LRRC4C: variants seen among roughly 807,000 people sequenced by gnomAD.
LRRC4C encodes leucine rich repeat containing 4C.
Under a neutral mutation model 33.6 loss-of-function variants are expected in LRRC4C, and 5 were observed. That is an observed-to-expected ratio of 0.15 (90% CI 0.08 to 0.31). The LOEUF is 0.31. LRRC4C is among the 10% of genes least tolerant of loss of function. The pLI, the probability that LRRC4C is intolerant of heterozygous loss-of-function variation, is 1.00. For missense variants in LRRC4C, 560 were observed against 796.7 expected (o/e 0.70, Z 3.58); for synonymous variants, 329 against 302.0 (o/e 1.09, Z -0.93).
intron 3 of LRRC4C, among the ~76,000 whole-genome samples, chr11:40,462,980 C>T (rs898814854): frequency 5.6e-5 from 7 of 124,010 alleles, no homozygotes; most frequent in Admixed American, 2.4e-4. Flanking sequence ...CCAGATCATC[C>T]GTAATATGAA....
At chr11:41,453,660 ATGTGTGTGTG>A (rs372990313) in intron 1 of LRRC4C, among the ~76,000 whole-genome samples, 1 of 150,156 alleles carries the variant, frequency 6.7e-6, no homozygotes, top group African/African-American at 2.4e-5. Context: ...TTTTGTGTGT[ATGTGTGTGTG>A]TGTGTGTATG....
intron 3 of LRRC4C, among the ~76,000 whole-genome samples, chr11:40,329,059 CA>C (rs1946227438): frequency 6.6e-6 from 1 of 152,088 alleles, no homozygotes; most frequent in Non-Finnish European, 1.5e-5. Flanking sequence ...TGTGGTGAGC[CA>C]AAAAGTAGGC....
intron 1 of LRRC4C, among the ~76,000 whole-genome samples, chr11:41,450,905 T>C (rs1955998681): frequency 3.9e-5 from 6 of 152,176 alleles, no homozygotes; most frequent in Admixed American, 3.9e-4. Context: ...TTCCCCTTCC[T>C]TCTTTAATCT....
chr11:41,236,496 G>T (rs1211532321), intron 1 of LRRC4C, among the ~76,000 whole-genome samples: 1 of 151,690 alleles, frequency 6.6e-6, no homozygotes, highest in Non-Finnish European at 1.5e-5. Flanking sequence ...ATTTGTGAAA[G>T]TTTATAATGC....
intron 5 of LRRC4C, among the ~76,000 whole-genome samples, chr11:40,177,191 A>G (rs1860576036): frequency 6.6e-6 from 1 of 151,326 alleles, no homozygotes; most frequent in Non-Finnish European, 1.5e-5. Context: ...CTGACTTCGT[A>G]ATCTGCCCAC....
chr11:40,654,345 C>G (rs1187044651), intron 2 of LRRC4C, among the ~76,000 whole-genome samples: 1 of 152,166 alleles, frequency 6.6e-6, no homozygotes, highest in Non-Finnish European at 1.5e-5. Context: ...GCTGCTATTC[C>G]CTGCAAAGCC....
chr11:41,062,476 C>T (rs572774001), intron 1 of LRRC4C, among the ~76,000 whole-genome samples: 1 of 152,168 alleles, frequency 6.6e-6, no homozygotes, highest in African/African-American at 2.4e-5. Context: ...TGCAGATGCA[C>T]TCTTTCTTTG....
At chr11:41,454,942 G>T (rs1205978954) in intron 1 of LRRC4C, among the ~76,000 whole-genome samples, 6 of 152,044 alleles carry the variant, frequency 3.9e-5, no homozygotes, top group Non-Finnish European at 8.8e-5. Context: ...ATTTTATTAA[G>T]TGCTTTATAT....
At chr11:40,695,421 T>A (rs148926382) in intron 2 of LRRC4C, among the ~76,000 whole-genome samples, 2 of 152,298 alleles carry the variant, frequency 1.3e-5, no homozygotes, top group Admixed American at 1.3e-4. Context: ...TCACTAGCAC[T>A]AGTTTGTGAA....
At chr11:41,029,946 T>C (rs1443024709) in intron 1 of LRRC4C, among the ~76,000 whole-genome samples, 30 of 151,752 alleles carry the variant, frequency 2.0e-4, no homozygotes, top group East Asian at 1.9e-4. Context: ...ATAAGAAAGA[T>C]AACTCTTGGG....
chr11:40,915,704 G>A (rs1410439161), intron 2 of LRRC4C, among the ~76,000 whole-genome samples: 22 of 152,028 alleles, frequency 1.4e-4, no homozygotes, highest in African/African-American at 4.1e-4. Context: ...ATGGGATCTT[G>A]TTAAACTAAA....
chr11:40,480,370 T>A (rs1590869023), intron 3 of LRRC4C, among the ~76,000 whole-genome samples: 1 of 150,718 alleles, frequency 6.6e-6, no homozygotes, highest in Non-Finnish European at 1.5e-5. Flanking sequence ...AAAATAAAAA[T>A]AAATAAATAA....
chr11:40,732,019 C>G (rs1176472996), intron 2 of LRRC4C, among the ~76,000 whole-genome samples: 2 of 151,388 alleles, frequency 1.3e-5, no homozygotes, highest in Non-Finnish European at 2.9e-5. Flanking sequence ...AGGAACACCT[C>G]CTTGCCTGGG....
At chr11:40,838,850 T>C (rs1033826200) in intron 2 of LRRC4C, among the ~76,000 whole-genome samples, 4 of 152,046 alleles carry the variant, frequency 2.6e-5, no homozygotes, top group Non-Finnish European at 4.4e-5. Context: ...CTTATAATTA[T>C]TATAGAAGAA....
intron 3 of LRRC4C, among the ~76,000 whole-genome samples, chr11:40,624,759 GA>G (rs1373278067): frequency 1.3e-5 from 2 of 152,064 alleles, no homozygotes; most frequent in African/African-American, 4.8e-5. Context: ...TAGCATAATA[GA>G]AAAAACACTG....
chr11:41,148,019 AT>A (rs1238261980), intron 1 of LRRC4C, among the ~76,000 whole-genome samples: 2 of 151,580 alleles, frequency 1.3e-5, no homozygotes, highest in Admixed American at 6.6e-5. Flanking sequence ...GCATGAGAAT[AT>A]TTTTTTTCTT....
intron 1 of LRRC4C, among the ~76,000 whole-genome samples, chr11:41,333,974 GT>G (rs1951373673): frequency 6.6e-6 from 1 of 152,070 alleles, no homozygotes; most frequent in Non-Finnish European, 1.5e-5. Context: ...TCAGAGGGTT[GT>G]TTTCTAGAAA....
intron 2 of LRRC4C, among the ~76,000 whole-genome samples, chr11:40,851,775 T>A (rs1045194608): frequency 2.0e-5 from 3 of 151,948 alleles, no homozygotes; most frequent in African/African-American, 7.2e-5. Flanking sequence ...TCTCAAAAAA[T>A]AAATAAATAA....
In LRRC4C at chr11:40,648,291, G is replaced by A. The variant is rs1332144048; in HGVS notation, c.-406-13C>T. On this transcript the variant is annotated splice_polypyrimidine_tract_variant and intron_variant, in intron 2 of 6. Coordinates refer to ENST00000528697, the MANE Select transcript of LRRC4C (RefSeq NM_001258419.2). ...TTTCCAGTAACTCCTACATAAAATA[G>A]AAGAAAAAGATATAATTAGGATTAT... 1 of 151,914 alleles carries A rather than the reference G, an allele frequency of 6.6e-6. No homozygotes were observed. Among genetic ancestry groups the A allele is most frequent in the East Asian group, 1.9e-4 (1 of 5,184 alleles). The allele number at this position is 151,914 out of a possible 1,614,324, so 9.4% of individuals were successfully genotyped here. A position where few individuals can be genotyped will look rare whatever the true frequency, so the allele number is the denominator to read the frequency against.
Sources: gnomAD v4.1 joint callset for allele counts (sites outside exome capture counted in the v4.1 genomes callset) on GRCh38, gnomAD v4.1.1 for gene constraint, MANE v1.5 for transcripts, NCBI Gene and HGNC (gene_info 2026-07-23, HGNC 2026-07-21) for gene names.